DLC1: variants seen among roughly 807,000 people sequenced by gnomAD.
DLC1 encodes rho GTPase-activating protein 7.
Under a neutral mutation model 140.3 loss-of-function variants are expected in DLC1, and 54 were observed. The observed-to-expected ratio is 0.38, with a 90% CI of 0.31 to 0.48. DLC1 has a LOEUF of 0.48. DLC1 is among the 20% of genes least tolerant of loss of function. The pLI is 0.96. For synonymous variants in DLC1, 986 were observed against 728.1 expected (o/e 1.35, Z -5.70); for missense variants, 2,536 against 1,907.0 (o/e 1.33, Z -6.14).
chr8:13,371,622 T>G (rs907409518), intron 4 of DLC1, among the ~76,000 whole-genome samples: 1 of 152,124 alleles, frequency 6.6e-6, no homozygotes, highest in Admixed American at 6.6e-5. Flanking sequence ...TCCTTGGCAT[T>G]CTACATCAGG....
chr8:13,525,546 A>G (rs1445994703), intron 1 of DLC1, among the ~76,000 whole-genome samples: 2 of 152,176 alleles, frequency 1.3e-5, no homozygotes. Flanking sequence ...ATGTATGGTC[A>G]TTTCTCATTG....
chr8:13,188,819 ATATATATGTATATATATATATATATTTTT>A (rs1336107486), intron 5 of DLC1, among the ~76,000 whole-genome samples: 9 of 105,244 alleles, frequency 8.6e-5, no homozygotes, highest in African/African-American at 2.0e-4. Context: ...ATATATATAT[ATATATATGTATATATATATATATATTTTT>A]TTTTTTTTTT....
chr8:13,399,864 G>A (rs1299205567), intron 3 of DLC1, among the ~76,000 whole-genome samples: 4 of 152,070 alleles, frequency 2.6e-5, no homozygotes, highest in East Asian at 3.9e-4. Flanking sequence ...GTAGGGGGGC[G>A]GTGAGTGTTT....
intron 2 of DLC1, among the ~76,000 whole-genome samples, chr8:13,491,429 T>C (rs368291602): frequency 3.3e-5 from 5 of 152,242 alleles, no homozygotes; most frequent in South Asian, 2.1e-4. Context: ...TGTTACTTAC[T>C]TATAAACAAT....
chr8:13,526,021 G>A (rs140174596), intron 1 of DLC1, among the ~76,000 whole-genome samples: 229 of 152,178 alleles, frequency 1.5e-3, no homozygotes, highest in African/African-American at 5.3e-3. Context: ...ATGGATCAAA[G>A]TTTTTTCTTT....
At chr8:13,478,375 T>G (rs1800535460) in intron 2 of DLC1, among the ~76,000 whole-genome samples, 1 of 152,100 alleles carries the variant, frequency 6.6e-6, no homozygotes, top group Non-Finnish European at 1.5e-5. Flanking sequence ...CCCAGAAACC[T>G]CCCACCAGGT....
chr8:13,438,769 G>A (rs17093429), intron 2 of DLC1, among the ~76,000 whole-genome samples: 1 of 152,058 alleles, frequency 6.6e-6, no homozygotes, highest in East Asian at 1.9e-4. Flanking sequence ...AGGAAACTTC[G>A]CTGTCCAAAA....
intron 5 of DLC1, among the ~76,000 whole-genome samples, chr8:13,264,709 T>C (rs574574685): frequency 1.8e-4 from 28 of 152,312 alleles, no homozygotes; most frequent in South Asian, 6.2e-4. Flanking sequence ...ATGTTTAAAA[T>C]ATTTAGTAAA....
intron 5 of DLC1, among the ~76,000 whole-genome samples, chr8:13,299,163 ATGGGTGGGG>A (rs1319699191): frequency 6.6e-6 from 1 of 151,522 alleles, no homozygotes; most frequent in Non-Finnish European, 1.5e-5. Context: ...AAAAATGTGG[ATGGGTGGGG>A]TGGCTCATGC....
chr8:13,117,353 C>A (rs1399681994), intron 5 of DLC1, among the ~76,000 whole-genome samples: 1 of 152,086 alleles, frequency 6.6e-6, no homozygotes, highest in Admixed American at 6.5e-5. Context: ...TGGTGTGCTC[C>A]TGTAGTCCCA....
chr8:13,117,599 A>C (rs911210588), intron 5 of DLC1, among the ~76,000 whole-genome samples: 1 of 152,254 alleles, frequency 6.6e-6, no homozygotes, highest in African/African-American at 2.4e-5. Flanking sequence ...AACTCATTTC[A>C]TTTGGCTACT....
intron 1 of DLC1, among the ~76,000 whole-genome samples, chr8:13,500,979 C>A (rs948563796): frequency 3.9e-5 from 6 of 152,224 alleles, no homozygotes; most frequent in East Asian, 1.9e-4. Flanking sequence ...GCTTCTAAGG[C>A]CCAGACTGAG....
chr8:13,117,722 T>G (rs990244110), intron 5 of DLC1, among the ~76,000 whole-genome samples: 1 of 152,208 alleles, frequency 6.6e-6, no homozygotes. Context: ...AACCAAAAAT[T>G]CTCAGTGCCC....
At chr8:13,195,745 G>A (rs146509189) in intron 5 of DLC1, among the ~76,000 whole-genome samples, 1 of 152,274 alleles carries the variant, frequency 6.6e-6, no homozygotes, top group Admixed American at 6.5e-5. Flanking sequence ...CAAGTAACAT[G>A]CCCATCCCTG....
intron 2 of DLC1, among the ~76,000 whole-genome samples, chr8:13,451,974 T>G (rs1238806455): frequency 6.6e-6 from 1 of 152,154 alleles, no homozygotes; most frequent in African/African-American, 2.4e-5. Context: ...TGTACTAATT[T>G]CCATGAACAC....
chr8:13,249,552 T>G (rs530317448), intron 5 of DLC1, among the ~76,000 whole-genome samples: 1 of 152,330 alleles, frequency 6.6e-6, no homozygotes, highest in Non-Finnish European at 1.5e-5. Context: ...CTCTCTTCAC[T>G]TGTGCCTTTC....
chr8:13,248,392 C>A (rs550349442), intron 5 of DLC1, among the ~76,000 whole-genome samples: 2 of 102,792 alleles, frequency 1.9e-5, no homozygotes, highest in African/African-American at 8.6e-5. Flanking sequence ...GACTCTCTGA[C>A]TCTGAGAAAG....
At chr8:13,543,229 C>A (rs1047070288) in intron 1 of DLC1, among the ~76,000 whole-genome samples, 2 of 152,012 alleles carry the variant, frequency 1.3e-5, no homozygotes, top group African/African-American at 4.8e-5. Flanking sequence ...AGTAGGAAAT[C>A]TTTTTTTGTA....
chr8:13,567,425 G>A, intron 1 of DLC1: 3 of 1,551,874 alleles, frequency 1.9e-6, no homozygotes, highest in Non-Finnish European at 2.6e-6. Context: ...AAGACGAGCA[G>A]CAGACATAAA....
Sources: allele counts gnomAD v4.1 joint callset (sites outside exome capture counted in the v4.1 genomes callset), GRCh38; gene constraint gnomAD v4.1.1; transcripts MANE v1.5; gene names NCBI Gene and HGNC (gene_info 2026-07-23, HGNC 2026-07-21).